The following MAGI3 variants were observed in gnomAD, a reference collection of about 807,000 sequenced individuals.
MAGI3 encodes the protein membrane associated guanylate kinase, WW and PDZ domain containing 3, also known as membrane-associated guanylate kinase, WW and PDZ domain-containing protein 3.
Under a neutral mutation model 121.8 loss-of-function variants are expected in MAGI3, and 43 were observed. The ratio of observed to expected loss-of-function variants is 0.35; its 90% CI spans 0.28 to 0.46. The LOEUF (loss-of-function observed/expected upper bound fraction) is 0.46. Among genes scored for constraint, MAGI3 ranks in the 20% least tolerant of loss-of-function variants. The probability of loss-of-function intolerance (pLI) is 1.00; values close to 1 mark genes in which losing one functional copy is unlikely to be tolerated. For missense variants in MAGI3, 1,547 were observed against 1,797.3 expected (o/e 0.86, Z 2.52); for synonymous variants, 553 against 639.3 (o/e 0.86, Z 2.04).
At chr1:113,425,282 T>A (rs1652945149) in intron 1 of MAGI3, among the ~76,000 whole-genome samples, 2 of 126,108 alleles carry the variant, frequency 1.6e-5, no homozygotes, top group South Asian at 3.0e-4. Flanking sequence ...AATTTTTTTT[T>A]TTTTTTTTTT....
In MAGI3 at chr1:113,391,759, T is replaced by C. The variant is rs1650834497; in HGVS notation, c.316+410T>C. On this transcript the variant is annotated intron_variant, in intron 1 of 20. Coordinates refer to ENST00000307546, the MANE Select transcript of MAGI3 (RefSeq NM_001142782.2). The surrounding 1 kb of genome is among the most constrained non-coding windows in gnomAD (Gnocchi z 4.4). Reference sequence around the variant, plus strand: ...TCTTCTAACAGGGAAAAAGGGACTTTACTATAGAGGCACTTGGTGCCAAGG... The same window carrying C: ...TCTTCTAACAGGGAAAAAGGGACTTCACTATAGAGGCACTTGGTGCCAAGG... Among the ~76,000 whole-genome samples the C allele has an allele frequency of 6.6e-6, 1 of 152,220 alleles. No homozygotes were observed. Among genetic ancestry groups the C allele is most frequent in the Non-Finnish European group, 1.5e-5 (1 of 68,042 alleles).
chr1:113,417,141 T>G (rs1652492752), intron 1 of MAGI3, among the ~76,000 whole-genome samples: 1 of 152,078 alleles, frequency 6.6e-6, no homozygotes, highest in African/African-American at 2.4e-5. Flanking sequence ...ACAATAAAAT[T>G]CATCTATTTT....
Position 113,632,359 on chromosome 1 carries a change from T to A in MAGI3, c.1360+9365T>A, listed in dbSNP as rs948236311. ...GTAGTTTCATATTTGCCTAATATGC[T>A]TATCTAATTTGCATGGCAATACAAT... is the stretch of plus-strand genomic sequence containing the variant. On this transcript the variant is annotated intron_variant, in intron 9 of 20. Transcript: ENST00000307546. Among the ~76,000 whole-genome samples the A allele has an allele frequency of 7.9e-5, 12 of 152,230 alleles. No individual in the cohort carries two copies. In the South Asian group the frequency reaches 2.5e-3, roughly 31 times the overall value.
Position 113,684,112 on chromosome 1 carries a change from A to G in MAGI3, c.*98A>G. 2 of 1,314,646 alleles carry G rather than the reference A, an allele frequency of 1.5e-6. No homozygotes were observed. Among genetic ancestry groups the G allele is most frequent in the Non-Finnish European group, 2.0e-6 (2 of 983,944 alleles). 81.4% of individuals were successfully genotyped at this position (1,314,646 alleles called of 1,614,324 possible). On this transcript the variant is annotated 3_prime_UTR_variant, in exon 21 of 21. Coordinates refer to ENST00000307546, the MANE Select transcript of MAGI3 (RefSeq NM_001142782.2). ...TTTTTTTTTTCAGATATTCTGAAAC[A>G]GATAAGTACATGTTAATGTGAGCCT...
At chr1:113,545,235 T>TA (rs1468986128) in intron 1 of MAGI3, among the ~76,000 whole-genome samples, 6 of 152,068 alleles carry the variant, frequency 3.9e-5, no homozygotes, top group Admixed American at 3.9e-4. Context: ...GAAGAGATTG[T>TA]AAAAAAATGA....
chr1:113,508,881 A>G (rs980228495), intron 1 of MAGI3, among the ~76,000 whole-genome samples: 1 of 152,194 alleles, frequency 6.6e-6, no homozygotes, highest in Non-Finnish European at 1.5e-5. Flanking sequence ...TTGCTGTTGC[A>G]AAATAGGAAA....
At chr1:113,642,771 G>T (rs969438469) in intron 10 of MAGI3, among the ~76,000 whole-genome samples, 6 of 152,114 alleles carry the variant, frequency 3.9e-5, no homozygotes, top group African/African-American at 9.7e-5. Flanking sequence ...CTGATTCATG[G>T]CTTTAATGAT....
chr1:113,612,762 T>G (rs1650234846), intron 6 of MAGI3, among the ~76,000 whole-genome samples: 1 of 152,196 alleles, frequency 6.6e-6, no homozygotes, highest in Non-Finnish European at 1.5e-5. Flanking sequence ...GCTAATTACC[T>G]TGAGTGCTAA....
At position 113,416,062 on chromosome 1, in the gene MAGI3, T is replaced by G. The variant is rs371809363; in HGVS notation, c.316+24713T>G. Among the ~76,000 whole-genome samples the G allele has an allele frequency of 1.6e-5, 2 of 125,260 alleles. 1 individual carries two copies. Among genetic ancestry groups the G allele is most frequent in the South Asian group, 5.3e-4 (2 of 3,800 alleles). 82.2% of individuals were successfully genotyped at this position (125,260 alleles called of 152,430 possible). A position where few individuals can be genotyped will look rare whatever the true frequency, so the allele number is the denominator to read the frequency against. ...TAATTATGTAATTAATGACACATATTAATTATGTAATTAATGACACATATT... is the reference window on the plus strand; with the variant it reads ...TAATTATGTAATTAATGACACATATGAATTATGTAATTAATGACACATATT... On this transcript the variant is annotated intron_variant, in intron 1 of 20. Transcript: ENST00000307546.
intron 1 of MAGI3, among the ~76,000 whole-genome samples, chr1:113,433,730 C>T (rs1282544810): frequency 6.6e-6 from 1 of 152,100 alleles, no homozygotes; most frequent in African/African-American, 2.4e-5. Context: ...AGAACTGTGA[C>T]TTAACACGGT....
At chr1:113,553,724 A>T (rs1659874812) in intron 2 of MAGI3, among the ~76,000 whole-genome samples, 1 of 152,220 alleles carries the variant, frequency 6.6e-6, no homozygotes, top group South Asian at 2.1e-4. Flanking sequence ...TTAAAGAAAG[A>T]TAGTGTCTGG....
chr1:113,477,503 T>A (rs1374189100), intron 1 of MAGI3, among the ~76,000 whole-genome samples: 5 of 152,186 alleles, frequency 3.3e-5, no homozygotes, highest in Admixed American at 3.3e-4. Flanking sequence ...TTTGGCTGGA[T>A]ATGAAATTCT....
intron 9 of MAGI3, among the ~76,000 whole-genome samples, chr1:113,635,919 A>G (rs1651983663): frequency 6.6e-6 from 1 of 152,154 alleles, no homozygotes; most frequent in Non-Finnish European, 1.5e-5. Flanking sequence ...TTATTCGTCT[A>G]TTCAGAGATT....
At chr1:113,524,632 A>G (rs1384324266) in intron 1 of MAGI3, among the ~76,000 whole-genome samples, 1 of 152,018 alleles carries the variant, frequency 6.6e-6, no homozygotes, top group South Asian at 2.1e-4. Context: ...CAATGCCTGT[A>G]TCCCCATTGT....
chr1:113,558,308 G>T (rs1470675790), intron 2 of MAGI3, among the ~76,000 whole-genome samples: 1 of 152,124 alleles, frequency 6.6e-6, no homozygotes, highest in Non-Finnish European at 1.5e-5. Flanking sequence ...AAGAAGCTAA[G>T]AATTATCATA....
At position 113,658,723 on chromosome 1, in the gene MAGI3, C is replaced by A. The variant is rs929727055; in HGVS notation, c.2630-357C>A. On this transcript the variant is annotated intron_variant, in intron 15 of 20. Coordinates refer to ENST00000307546, the MANE Select transcript of MAGI3 (RefSeq NM_001142782.2). This position sits in a 1 kb window ranked among gnomAD's most constrained non-coding sequence, Gnocchi z 4.0. ...AACTTGTTGCAGCTTAAATGGCCAA[C>A]AATAAACAATGAGACATCTGATCAG... Among the ~76,000 whole-genome samples, 6 of 152,036 alleles carry A rather than the reference C, an allele frequency of 3.9e-5. No homozygotes were observed. The highest frequency in any genetic ancestry group is 1.5e-4 in the African/African-American group (6 of 41,372).
At chr1:113,623,441 T>C (rs1363136398) in intron 9 of MAGI3, among the ~76,000 whole-genome samples, 2 of 95,270 alleles carry the variant, frequency 2.1e-5, no homozygotes, top group African/African-American at 8.6e-5. Flanking sequence ...TACACATATA[T>C]ATACACACAC....
Position 113,654,030 on chromosome 1 carries a change from T to A in MAGI3, c.2629+12T>A, listed in dbSNP as rs1242559732. On this transcript the variant is annotated intron_variant, in intron 15 of 20. Coordinates refer to ENST00000307546, the MANE Select transcript of MAGI3 (RefSeq NM_001142782.2). ...ACCACCTCCAGGAGGTAAGGGCTATTGTATCTTATTGTCTCTCCCTGCAAG... is the reference window on the plus strand; with the variant it reads ...ACCACCTCCAGGAGGTAAGGGCTATAGTATCTTATTGTCTCTCCCTGCAAG... The A allele has an allele frequency of 6.3e-7, 1 of 1,595,444 alleles. No homozygotes were observed. The highest frequency in any genetic ancestry group is 2.3e-5 in the East Asian group (1 of 44,416).
At chr1:113,673,525 T>C (rs1557886181) in intron 19 of MAGI3, 60 bp downstream of exon 19, 15 of 1,529,560 alleles carry the variant, frequency 9.8e-6, no homozygotes, top group East Asian at 2.3e-5. Context: ...CTTCGAAAGA[T>C]ATTAATAATT....
Sources: gnomAD v4.1 joint callset for allele counts (sites outside exome capture counted in the v4.1 genomes callset) on GRCh38, gnomAD v4.1.1 for gene constraint, Gnocchi (gnomAD v3.1) non-coding constraint, MANE v1.5 for transcripts, NCBI Gene and HGNC (gene_info 2026-07-23, HGNC 2026-07-21) for gene names.